Variants in OAS2 observed in about 807,000 individuals in gnomAD.
The protein encoded by OAS2 is 2'-5'-oligoadenylate synthetase 2.
In OAS2, 67 loss-of-function variants were observed where a neutral mutation model predicts 71.3. The ratio of observed to expected loss-of-function variants is 0.94; its 90% CI spans 0.77 to 1.15. OAS2 has a LOEUF of 1.15. Ranked by LOEUF, OAS2 falls within the 50% of genes most tolerant of loss-of-function variation. The pLI is 0.00. For synonymous variants in OAS2, 327 were observed against 321.8 expected (o/e 1.02, Z -0.17); for missense variants, 789 against 822.5 (o/e 0.96, Z 0.50).
intron 5 of OAS2, among the ~76,000 whole-genome samples, chr12:112,998,817 A>T (rs945076864): frequency 6.6e-6 from 1 of 152,292 alleles, no homozygotes; most frequent in African/African-American, 2.4e-5. Context: ...AACAACAGTC[A>T]TACTGAATTA....
At chr12:112,991,595 A>G (rs576504795) in intron 2 of OAS2, among the ~76,000 whole-genome samples, 1 of 152,334 alleles carries the variant, frequency 6.6e-6, no homozygotes, top group East Asian at 1.9e-4. Flanking sequence ...TCATAGGTAG[A>G]TAAGAGACCA....
chr12:112,993,580 T>C (rs2044209785), intron 2 of OAS2, among the ~76,000 whole-genome samples: 1 of 152,168 alleles, frequency 6.6e-6, no homozygotes. Context: ...TCCTGGTTTC[T>C]TATCTAAATG....
chr12:113,009,190 C>T lies in OAS2; in HGVS notation c.1999C>T (p.Pro667Ser). The part of the protein sequence containing the change: ...AKEAKEWLSS[P>S]CFKDGTGNPI... ...AGAAGCAAAGGAATGGTTATCCTCT[C>T]CCTGCTTCAAGGATGGGACTGGAAA... The change falls in exon 10 of 10, where the codon CCC becomes TCC. Residue 667 changes from proline (P) to serine (S), a missense_variant. Pro to Ser is a moderately conservative substitution (Grantham distance 74, BLOSUM62 -1). Coordinates refer to ENST00000392583, the MANE Select transcript of OAS2 (RefSeq NM_002535.3). The T allele has an allele frequency of 1.9e-6, 3 of 1,614,098 alleles. No homozygotes were observed. The highest frequency in any genetic ancestry group is 1.7e-5 in the Admixed American group (1 of 60,022).
Position 112,999,445 on chromosome 12 carries a change from T to C in OAS2, c.1008+1035T>C, listed in dbSNP as rs370574573. Among the ~76,000 whole-genome samples the C allele has an allele frequency of 1.1e-4, 16 of 152,322 alleles. 1 individual carries two copies. In the South Asian group the frequency reaches 3.3e-3, roughly 32 times the overall value. On this transcript the variant is annotated intron_variant, in intron 5 of 9. Coordinates refer to ENST00000392583, the MANE Select transcript of OAS2 (RefSeq NM_002535.3). ...TCAAATTCCACAGTTCACAGACAGA[T>C]TAATTTATATTCAAGTTATGGGAGG... is the stretch of plus-strand genomic sequence containing the variant.
chr12:112,987,251 G>A lies in OAS2; in HGVS notation c.391G>A (p.Val131Met). Reference protein sequence around the residue: ...QKSLDGFTIQVFTKNQRISFE... With the variant: ...QKSLDGFTIQMFTKNQRISFE... ...GTCCCTTGATGGGTTCACCATCCAG[G>A]TGTTCACAAAAAATCAGAGAATCTC... The change falls in exon 2 of 10, where the codon GTG (valine) becomes ATG (methionine). Residue 131 changes from valine to methionine, a missense_variant. Physicochemically the swap from Val to Met is conservative, Grantham distance 21. Transcript: ENST00000392583. 6.2e-7 allele frequency: 1 copy of A among 1,614,212 alleles called. No homozygotes were observed. Among genetic ancestry groups the A allele is most frequent in the Non-Finnish European group, 8.5e-7 (1 of 1,180,036 alleles).
chr12:112,980,917 G>A (rs60466213), intron 1 of OAS2, among the ~76,000 whole-genome samples: 6,121 of 152,172 alleles, frequency 0.04, 399 homozygotes, highest in African/African-American at 0.14. Context: ...TCTAACTGGG[G>A]TGAGATGGTA....
At chr12:112,984,684 G>A (rs938003249) in intron 1 of OAS2, among the ~76,000 whole-genome samples, 2 of 152,028 alleles carry the variant, frequency 1.3e-5, no homozygotes, top group Non-Finnish European at 2.9e-5. Context: ...AATTGTTGGG[G>A]GTTTTGTAAT....
At chr12:112,991,393 C>A (rs569696099) in intron 2 of OAS2, among the ~76,000 whole-genome samples, 1 of 152,376 alleles carries the variant, frequency 6.6e-6, no homozygotes, top group East Asian at 1.9e-4. Context: ...TGAGGATGCG[C>A]ACCCGTAACA....
chr12:113,006,062 T>G (rs2240186), intron 7 of OAS2, among the ~76,000 whole-genome samples: 4,504 of 152,126 alleles, frequency 0.03, 154 homozygotes, highest in East Asian at 0.081. Flanking sequence ...GTCTGGGTTC[T>G]ACAACTACTG....
chr12:112,997,869 G>A, intron 4 of OAS2, 114 bp downstream of exon 4: 2 of 862,982 alleles, frequency 2.3e-6, no homozygotes, highest in South Asian at 3.7e-5. Context: ...CCAGAAGAAT[G>A]GCAGCCACCA....
At chr12:113,002,851 G>A (rs1198819937) in intron 5 of OAS2, 81 bp from the exon 6 acceptor site, 125 of 1,299,406 alleles carry the variant, frequency 9.6e-5, no homozygotes, top group Non-Finnish European at 1.3e-4. Context: ...GCAGGGTAGG[G>A]GGCCCAGTAC....
intron 1 of OAS2, among the ~76,000 whole-genome samples, chr12:112,985,806 T>C (rs1478354388): frequency 1.3e-5 from 2 of 152,188 alleles, no homozygotes; most frequent in Non-Finnish European, 2.9e-5. Flanking sequence ...TTGACTTTCA[T>C]AGGGAAAGAC....
chr12:112,997,828 C>G (rs1367028220), intron 4 of OAS2, 73 bp downstream of exon 4: 7 of 1,230,906 alleles, frequency 5.7e-6, no homozygotes, highest in Non-Finnish European at 5.5e-6. Flanking sequence ...GGAATGAGAT[C>G]TCAGCCTTGC....
In OAS2 at chr12:112,978,724, A is replaced by G; in HGVS notation, c.116A>G (p.Asn39Ser). 6.2e-7 allele frequency: 1 copy of G among 1,614,106 alleles called. No homozygotes were observed. Among genetic ancestry groups the G allele is most frequent in the Non-Finnish European group, 8.5e-7 (1 of 1,179,990 alleles). Residue 39 changes from asparagine to serine, a missense_variant, in exon 1 of 10, where the codon AAC (asparagine) becomes AGC (serine). Transcript: ENST00000392583. This position sits in a 1 kb window ranked among gnomAD's most constrained non-coding sequence, Gnocchi z 4.2. ...ECQTLIDEMV[N>S]TICDVLQEPE... Reference sequence around the variant, plus strand: ...CAGACACTGATCGACGAGATGGTGAACACCATCTGTGACGTCCTGCAGGAA... The same window carrying G: ...CAGACACTGATCGACGAGATGGTGAGCACCATCTGTGACGTCCTGCAGGAA...
At chr12:112,995,495 A>T in intron 3 of OAS2, 21 bp downstream of exon 3, 1 of 1,592,122 alleles carries the variant, frequency 6.3e-7, no homozygotes, top group Non-Finnish European at 8.6e-7. Context: ...AACTGTCTAT[A>T]TATGGTTATC....
rs1336077593 is a variant in OAS2 at position 112,987,028 on chromosome 12, T to C, written c.178-10T>C. ...CTAGTGTCTCATATCTGCTTCTTTG[T>C]CACTGGCAGGGTGGCTCCTATGGAC... is the stretch of plus-strand genomic sequence containing the variant. On this transcript the variant is annotated splice_polypyrimidine_tract_variant and intron_variant, in intron 1 of 9. Transcript: ENST00000392583. 2 of 1,599,428 alleles carry C rather than the reference T, an allele frequency of 1.3e-6. No homozygotes were observed. The highest frequency in any genetic ancestry group is 1.7e-6 in the Non-Finnish European group (2 of 1,170,490).
At chr12:113,009,030 A>G in intron 9 of OAS2, 57 bp from the exon 10 acceptor site, 2 of 1,571,128 alleles carry the variant, frequency 1.3e-6, no homozygotes, top group Non-Finnish European at 1.7e-6. Context: ...GATGGACCCC[A>G]AATTCTGAAG....
At chr12:112,992,932 G>A (rs2044204031) in intron 2 of OAS2, among the ~76,000 whole-genome samples, 1 of 152,116 alleles carries the variant, frequency 6.6e-6, no homozygotes, top group Admixed American at 6.5e-5. Flanking sequence ...TGGCCAGAGC[G>A]CCCTCTACTG....
At chr12:112,988,775 C>T (rs773730363) in intron 2 of OAS2, 50 of 974,620 alleles carry the variant, frequency 5.1e-5, no homozygotes, top group Middle Eastern at 5.3e-4. Context: ...GTAACAAAGT[C>T]GTTTCTAATA....
Sources: gnomAD v4.1 joint callset for allele counts (sites outside exome capture counted in the v4.1 genomes callset) on GRCh38, gnomAD v4.1.1 for gene constraint, Gnocchi (gnomAD v3.1) non-coding constraint, MANE v1.5 for transcripts, NCBI Gene and HGNC (gene_info 2026-07-23, HGNC 2026-07-21) for gene names.